Variants in PHTF2 observed in about 807,000 individuals in gnomAD.
PHTF2 encodes putative homeodomain transcription factor 2.
Under a neutral mutation model 101.2 loss-of-function variants are expected in PHTF2, and 60 were observed. The observed-to-expected ratio is 0.59, with a 90% CI of 0.48 to 0.73. The LOEUF (loss-of-function observed/expected upper bound fraction) is 0.73. PHTF2 is among the 30% of genes least tolerant of loss of function. PHTF2 has a pLI of 0.00. For missense variants in PHTF2, 747 were observed against 908.7 expected (o/e 0.82, Z 2.29); for synonymous variants, 311 against 307.3 (o/e 1.01, Z -0.13).
chr7:77,861,936 A>G (rs1052620584), intron 3 of PHTF2, among the ~76,000 whole-genome samples: 13 of 152,148 alleles, frequency 8.5e-5, no homozygotes, highest in African/African-American at 2.9e-4. Flanking sequence ...GCATGCCTGT[A>G]ATCCCAGCTA....
chr7:77,820,400 A>G (rs544449058), intron 1 of PHTF2, among the ~76,000 whole-genome samples: 3 of 152,174 alleles, frequency 2.0e-5, no homozygotes, highest in East Asian at 3.9e-4. Flanking sequence ...CTCCCAGGCC[A>G]GAGTGCACAG....
chr7:77,868,487 A>G (rs912219128), intron 3 of PHTF2, among the ~76,000 whole-genome samples: 3 of 151,982 alleles, frequency 2.0e-5, no homozygotes, highest in African/African-American at 7.2e-5. Flanking sequence ...ACTTTTTATT[A>G]CAATCATGAA....
intron 3 of PHTF2, among the ~76,000 whole-genome samples, chr7:77,856,769 T>A (rs1412331224): frequency 6.6e-6 from 1 of 152,112 alleles, no homozygotes; most frequent in Non-Finnish European, 1.5e-5. Context: ...TTATAAATAA[T>A]CTAGAGATTA....
intron 1 of PHTF2, among the ~76,000 whole-genome samples, chr7:77,818,943 A>G (rs1794062300): frequency 6.6e-6 from 1 of 152,184 alleles, no homozygotes; most frequent in Admixed American, 6.5e-5. Context: ...GTTTTCCTAT[A>G]GAGGTCTTTC....
intron 12 of PHTF2, among the ~76,000 whole-genome samples, chr7:77,929,855 G>GA (rs1237963822): frequency 5.3e-5 from 8 of 151,042 alleles, no homozygotes; most frequent in African/African-American, 1.5e-4. Flanking sequence ...TAACTAATAT[G>GA]AAAAAATTAA....
chr7:77,799,231 G>T (rs540660491), intron 1 of PHTF2, among the ~76,000 whole-genome samples: 1 of 152,158 alleles, frequency 6.6e-6, no homozygotes, highest in African/African-American at 2.4e-5. Context: ...GAGCTCGCGC[G>T]GTCCTCAAGT....
rs1027357209 is a variant in PHTF2 at position 77,913,202 on chromosome 7, A to G, written c.776+2793A>G. 4.6e-5 allele frequency among the ~76,000 whole-genome samples: 7 copies of G among 152,186 alleles called. No individual in the cohort carries two copies. The East Asian group carries it at 1.4e-3, about 29-fold the overall frequency. On this transcript the variant is annotated intron_variant, in intron 9 of 19. Transcript: ENST00000416283. ...CAGGAGTTCAAGACCAGTCTGGCCA[A>G]CATGGTGAAACCCCACCTGTACTAA...
chr7:77,824,399 A>G (rs545579470), intron 1 of PHTF2, among the ~76,000 whole-genome samples: 8 of 152,280 alleles, frequency 5.3e-5, no homozygotes, highest in Admixed American at 4.6e-4. Context: ...TTTTGTTAGA[A>G]ATAGCAGAAG....
exon 9 of PHTF2, chr7:77,910,278 T>C: frequency 3.7e-6 from 6 of 1,613,248 alleles, no homozygotes; most frequent in Non-Finnish European, 5.1e-6. Context: ...TGGAAGTACA[T>C]AGGGAAGGAG....
At chr7:77,848,784 C>G (rs931089648) in intron 2 of PHTF2, among the ~76,000 whole-genome samples, 1 of 152,110 alleles carries the variant, frequency 6.6e-6, no homozygotes, top group South Asian at 2.1e-4. Context: ...TTTGCCCAGT[C>G]CATTATCTTG....
intron 1 of PHTF2, among the ~76,000 whole-genome samples, chr7:77,839,613 T>A (rs1157285774): frequency 6.6e-6 from 1 of 152,212 alleles, no homozygotes; most frequent in Non-Finnish European, 1.5e-5. Context: ...CTTTGAGGAT[T>A]AATTGTCATA....
At chr7:77,901,592 T>A (rs921510616) in intron 6 of PHTF2, among the ~76,000 whole-genome samples, 170 bp from the exon 6 acceptor site, 1 of 152,234 alleles carries the variant, frequency 6.6e-6, no homozygotes, top group Non-Finnish European at 1.5e-5. Flanking sequence ...TTTCAAAAAA[T>A]GTTTTTTTCA....
chr7:77,935,522 G>A (rs1056463025), intron 12 of PHTF2, among the ~76,000 whole-genome samples: 1 of 152,116 alleles, frequency 6.6e-6, no homozygotes, highest in Non-Finnish European at 1.5e-5. Flanking sequence ...ACCGCGCCCG[G>A]CGTAATTAAC....
rs1795392694 is a variant in PHTF2, at chr7:77,835,580, A to C, written c.-35-4641A>C. On this transcript the variant is annotated intron_variant, in intron 1 of 19. Coordinates refer to ENST00000416283, the Ensembl canonical transcript of PHTF2. ...TGTGGGAGACCATATTTGTACAAAG[A>C]ATACTCATAGGCATTATTATACTGT... Among the ~76,000 whole-genome samples, 6 of 152,246 alleles carry C rather than the reference A, an allele frequency of 3.9e-5. No individual in the cohort carries two copies. The South Asian group carries it at 1.2e-3, about 32-fold the overall frequency.
chr7:77,943,839 A>G (rs848446), intron 16 of PHTF2, among the ~76,000 whole-genome samples: 118,802 of 151,712 alleles, frequency 0.78, 46,985 homozygotes, highest in African/African-American at 0.88. Context: ...CCAACATGGT[A>G]AAACCTCGTC....
At chr7:77,880,706 C>T (rs1799337373) in intron 3 of PHTF2, among the ~76,000 whole-genome samples, 1 of 152,174 alleles carries the variant, frequency 6.6e-6, no homozygotes, top group African/African-American at 2.4e-5. Context: ...TGGCACCGTG[C>T]TTTAGGCCCC....
At chr7:77,874,980 G>A (rs1017244597) in intron 3 of PHTF2, among the ~76,000 whole-genome samples, 1 of 152,236 alleles carries the variant, frequency 6.6e-6, no homozygotes, top group Non-Finnish European at 1.5e-5. Context: ...ATTGGTCTCT[G>A]TGTCTATTTT....
chr7:77,840,666 A>G (rs981537499), intron 2 of PHTF2, among the ~76,000 whole-genome samples: 4 of 152,056 alleles, frequency 2.6e-5, no homozygotes, highest in Non-Finnish European at 5.9e-5. Flanking sequence ...TGTAAGTTAC[A>G]ATTCAATAGC....
intron 1 of PHTF2, among the ~76,000 whole-genome samples, chr7:77,838,362 A>G (rs1028440867): frequency 3.9e-5 from 6 of 152,216 alleles, no homozygotes; most frequent in Non-Finnish European, 5.9e-5. Context: ...TAAATAATCC[A>G]TGTGTATGTA....
Sources: allele counts gnomAD v4.1 joint callset (sites outside exome capture counted in the v4.1 genomes callset), GRCh38; gene constraint gnomAD v4.1.1; transcripts MANE v1.5; gene names NCBI Gene and HGNC (gene_info 2026-07-23, HGNC 2026-07-21).